Variants in ST6GAL1 observed in about 807,000 individuals in gnomAD.
ST6GAL1 encodes the protein beta-galactoside alpha-2,6-sialyltransferase 1.
Under a neutral mutation model 38.0 loss-of-function variants are expected in ST6GAL1, and 20 were observed. The ratio of observed to expected loss-of-function variants is 0.53; its 90% CI spans 0.37 to 0.77. The LOEUF (loss-of-function observed/expected upper bound fraction) is 0.77, where lower values mean the gene tolerates loss of function less well. Ranked by LOEUF, ST6GAL1 falls within the 30% of genes least tolerant of loss-of-function variation. The probability of loss-of-function intolerance (pLI) is 0.00; values close to 1 mark genes in which losing one functional copy is unlikely to be tolerated. For synonymous variants in ST6GAL1, 196 were observed against 188.2 expected (o/e 1.04, Z -0.34); for missense variants, 432 against 496.4 (o/e 0.87, Z 1.23).
chr3:187,001,916 A>T (rs1716630909), intron 2 of ST6GAL1, among the ~76,000 whole-genome samples: 1 of 150,942 alleles, frequency 6.6e-6, no homozygotes, highest in African/African-American at 2.4e-5. Context: ...AGATCACGCC[A>T]CTGCACTCCA....
intron 1 of ST6GAL1, among the ~76,000 whole-genome samples, chr3:186,940,699 G>A (rs574300968): frequency 2.0e-5 from 3 of 152,070 alleles, no homozygotes; most frequent in South Asian, 4.2e-4. Context: ...CCAAAAGATC[G>A]GACATTCCTG....
chr3:187,000,438 C>T (rs565513741), intron 2 of ST6GAL1, among the ~76,000 whole-genome samples: 1 of 151,352 alleles, frequency 6.6e-6, no homozygotes, highest in East Asian at 1.9e-4. Flanking sequence ...TGGAGGTGCC[C>T]GTAATCCCAG....
At chr3:187,003,360 A>G (rs1341515525) in intron 2 of ST6GAL1, among the ~76,000 whole-genome samples, 1 of 152,184 alleles carries the variant, frequency 6.6e-6, no homozygotes, top group Non-Finnish European at 1.5e-5. Flanking sequence ...TTCCAGTGCT[A>G]ATTTTATCCA....
At chr3:186,982,111 C>T (rs1244583538) in intron 2 of ST6GAL1, among the ~76,000 whole-genome samples, 1 of 152,194 alleles carries the variant, frequency 6.6e-6, no homozygotes, top group Admixed American at 6.5e-5. Context: ...GGACTTCAAA[C>T]CTAGGTCTGT....
At chr3:187,013,196 T>G (rs1455591965) in intron 2 of ST6GAL1, among the ~76,000 whole-genome samples, 1 of 152,344 alleles carries the variant, frequency 6.6e-6, no homozygotes, top group Admixed American at 6.5e-5. Flanking sequence ...TTATTTCTTA[T>G]GGCTCTATAG....
In ST6GAL1 at chr3:187,076,240, T is replaced by G. The variant is rs557457930; in HGVS notation, c.*437T>G. 5.6e-6 allele frequency: 1 copy of G among 177,326 alleles called. No homozygotes were observed. Among genetic ancestry groups the G allele is most frequent in the African/African-American group, 2.4e-5 (1 of 42,096 alleles). The allele number at this position is 177,326 out of a possible 1,614,324, so 11.0% of individuals were successfully genotyped here. On this transcript the variant is annotated 3_prime_UTR_variant, in exon 8 of 8. Transcript: ENST00000169298. Reference sequence around the variant, plus strand: ...TAAAGAAATTCTCTTAAATTACAATTGTGCCCAATGCAGGGTGGCTCTGGG... The same window carrying G: ...TAAAGAAATTCTCTTAAATTACAATGGTGCCCAATGCAGGGTGGCTCTGGG...
At chr3:186,986,514 G>C (rs1272807820) in intron 2 of ST6GAL1, 1 of 152,698 alleles carries the variant, frequency 6.5e-6, no homozygotes, top group Non-Finnish European at 1.5e-5. Context: ...AATGTAGGGG[G>C]TTGCTTTTTG....
At chr3:187,047,723 A>G (rs1718348008) in intron 4 of ST6GAL1, among the ~76,000 whole-genome samples, 1 of 150,774 alleles carries the variant, frequency 6.6e-6, no homozygotes, top group African/African-American at 2.5e-5. Context: ...TCAACTTTCA[A>G]TTAGCAGGGA....
At chr3:186,944,280 C>T (rs1406492816) in intron 1 of ST6GAL1, among the ~76,000 whole-genome samples, 1 of 152,204 alleles carries the variant, frequency 6.6e-6, no homozygotes, top group East Asian at 1.9e-4. Flanking sequence ...CAGGAACAAT[C>T]ACAGCTGGCT....
At chr3:187,051,453 T>C (rs576826941) in intron 5 of ST6GAL1, 107 bp downstream of exon 5, 716 of 941,724 alleles carry the variant, frequency 7.6e-4, no homozygotes, top group Non-Finnish European at 1.1e-3. Flanking sequence ...TTAAGTCTCT[T>C]GATCTTCCTG....
At chr3:187,059,450 G>C (rs973702923) in intron 5 of ST6GAL1, among the ~76,000 whole-genome samples, 1 of 152,274 alleles carries the variant, frequency 6.6e-6, no homozygotes, top group African/African-American at 2.4e-5. Context: ...TTCTATATAA[G>C]ATGCTACCTA....
At chr3:187,036,592 T>G (rs202234020) in intron 2 of ST6GAL1, among the ~76,000 whole-genome samples, 354 of 152,286 alleles carry the variant, frequency 2.3e-3, no homozygotes, top group East Asian at 6.9e-3. Flanking sequence ...AGCCATGCCC[T>G]TTGCAGCAAC....
chr3:186,941,545 A>G (rs1398771542), intron 1 of ST6GAL1, among the ~76,000 whole-genome samples: 1 of 151,878 alleles, frequency 6.6e-6, no homozygotes, highest in East Asian at 1.9e-4. Context: ...ACACTTCATT[A>G]CAGTCACACT....
intron 5 of ST6GAL1, among the ~76,000 whole-genome samples, chr3:187,059,543 T>C (rs1718838846): frequency 6.6e-6 from 1 of 152,236 alleles, no homozygotes; most frequent in Admixed American, 6.5e-5. Flanking sequence ...ACTGTGGCAG[T>C]CAGTACATAA....
chr3:187,035,736 C>T (rs1234023445), intron 2 of ST6GAL1, among the ~76,000 whole-genome samples: 1 of 152,136 alleles, frequency 6.6e-6, no homozygotes, highest in African/African-American at 2.4e-5. Flanking sequence ...CTTCCTTATA[C>T]CATATACAAA....
At chr3:186,942,581 C>T (rs1714216534) in intron 1 of ST6GAL1, among the ~76,000 whole-genome samples, 1 of 152,026 alleles carries the variant, frequency 6.6e-6, no homozygotes, top group Admixed American at 6.6e-5. Context: ...TCGAGGGCAC[C>T]CACCGTGTTT....
At chr3:187,068,916 C>G (rs1351383821) in intron 5 of ST6GAL1, among the ~76,000 whole-genome samples, 1 of 152,144 alleles carries the variant, frequency 6.6e-6, no homozygotes, top group Non-Finnish European at 1.5e-5. Context: ...CTCAGGCCTC[C>G]CTGTCACCAG....
chr3:186,938,032 C>T (rs894643263), intron 1 of ST6GAL1, among the ~76,000 whole-genome samples: 2 of 152,116 alleles, frequency 1.3e-5, no homozygotes, highest in Non-Finnish European at 2.9e-5. Flanking sequence ...TGAGATCGCA[C>T]CACTGCACTG....
chr3:187,003,439 GAC>G (rs1716687320), intron 2 of ST6GAL1, among the ~76,000 whole-genome samples: 2 of 152,302 alleles, frequency 1.3e-5, no homozygotes, highest in South Asian at 4.1e-4. Context: ...CAGTCCAGTT[GAC>G]ACATAAAATC....
Sources: gnomAD v4.1 joint callset for allele counts (sites outside exome capture counted in the v4.1 genomes callset) on GRCh38, gnomAD v4.1.1 for gene constraint, MANE v1.5 for transcripts, NCBI Gene and HGNC (gene_info 2026-07-23, HGNC 2026-07-21) for gene names.